SLC27A5: variants seen among roughly 807,000 people sequenced by gnomAD.
SLC27A5 encodes long-chain fatty acid transport protein 5.
Under a neutral mutation model 63.1 loss-of-function variants are expected in SLC27A5, and 47 were observed. The observed-to-expected ratio is 0.74, with a 90% confidence interval of 0.59 to 0.95. The LOEUF (loss-of-function observed/expected upper bound fraction) is 0.95. Ranked by LOEUF, SLC27A5 falls within the 40% of genes least tolerant of loss-of-function variation. SLC27A5 has a pLI of 0.00. For synonymous variants in SLC27A5, 391 were observed against 403.8 expected (o/e 0.97, Z 0.38); for missense variants, 940 against 921.0 (o/e 1.02, Z -0.27).
At chr19:58,503,966 T>A (rs1466222274) in intron 3 of SLC27A5, among the ~76,000 whole-genome samples, 1 of 151,104 alleles carries the variant, frequency 6.6e-6, no homozygotes, top group East Asian at 2.0e-4. Context: ...TACAAAAAAA[T>A]TAGCTGGGCA....
chr19:58,499,795 G>T, intron 6 of SLC27A5, 105 bp from the exon 7 acceptor site: 1 of 1,086,050 alleles, frequency 9.2e-7, no homozygotes, highest in Non-Finnish European at 1.3e-6. Flanking sequence ...CCCTGCCAAG[G>T]ACAGACCCAA....
At chr19:58,509,627 A>C (rs961618345) in intron 3 of SLC27A5, 6 of 463,450 alleles carry the variant, frequency 1.3e-5, no homozygotes. Flanking sequence ...CACTCGTATC[A>C]GGTCTTGTCA....
At chr19:58,506,818 A>C (rs949605996) in intron 3 of SLC27A5, among the ~76,000 whole-genome samples, 1 of 151,960 alleles carries the variant, frequency 6.6e-6, no homozygotes, top group African/African-American at 2.4e-5. Flanking sequence ...CATGTTGGCC[A>C]GGCTGGTCTC....
At chr19:58,503,372 A>AT (rs1320468846) in intron 3 of SLC27A5, among the ~76,000 whole-genome samples, 1 of 151,956 alleles carries the variant, frequency 6.6e-6, no homozygotes, top group Non-Finnish European at 1.5e-5. Flanking sequence ...TTAATAAGAT[A>AT]TAGGGGGCTG....
chr19:58,509,957 C>T lies in SLC27A5; in HGVS notation c.947G>A (p.Ser316Asn), dbSNP rs761535986. 2.5e-6 allele frequency: 4 copies of T among 1,614,058 alleles called. No individual in the cohort carries two copies. The highest frequency in any genetic ancestry group is 1.3e-5 in the African/African-American group (1 of 75,032). ...ILTHERVLQM[S>N]KMLSLSGATA... The stretch of plus-strand genomic sequence containing the variant: ...GGCCCCAGATAAGGACAGCATCTTG[C>T]TCATCTGCAGTACCCGCTCATGCGT... The change falls in exon 3 of 10, where the codon AGC becomes AAC. Residue 316 changes from serine to asparagine, a missense_variant. Ser to Asn is a conservative substitution (Grantham distance 46, BLOSUM62 1). Transcript: ENST00000263093.
At chr19:58,502,136 G>A (rs1243317935) in intron 3 of SLC27A5, among the ~76,000 whole-genome samples, 1 of 152,208 alleles carries the variant, frequency 6.6e-6, no homozygotes, top group East Asian at 1.9e-4. Flanking sequence ...TAGTGAGTGA[G>A]TAGATGGGTG....
In SLC27A5 at chr19:58,511,941, T is replaced by C. The variant is rs1343713423; in HGVS notation, c.15A>G (p.Gln5=). MGVR[Q]QLALLLLLLL... Reference sequence around the variant, plus strand: ...GCAGCAGCAGCAGCAAGGCCAACTGTTGCCTGACACCCATGGTACCAGCTC... The same window carrying C: ...GCAGCAGCAGCAGCAAGGCCAACTGCTGCCTGACACCCATGGTACCAGCTC... The change falls in exon 1 of 10, where the codon CAA becomes CAG. Residue 5 remains glutamine, a synonymous_variant. Transcript: ENST00000263093. 6.5e-6 allele frequency: 10 copies of C among 1,539,934 alleles called. No homozygotes were observed. In the East Asian group the frequency reaches 2.4e-4, roughly 38 times the overall value.
rs1426967694 is a variant in SLC27A5, at chr19:58,498,919, G to C, written c.1766-4C>G. On this transcript the variant is annotated splice_polypyrimidine_tract_variant and splice_region_variant and intron_variant, in intron 8 of 9. Transcript: ENST00000263093. ...ATGCCCACCTTACCCTCACAACCTA[G>C]AGAGCAGTCTGGTCACTCTCGGCTG... is the stretch of plus-strand genomic sequence containing the variant. The C allele has an allele frequency of 6.2e-7, 1 of 1,611,000 alleles. No homozygotes were observed. The highest frequency in any genetic ancestry group is 1.7e-5 in the Admixed American group (1 of 59,974).
intron 3 of SLC27A5, among the ~76,000 whole-genome samples, chr19:58,506,229 G>T (rs2053345378): frequency 6.6e-6 from 1 of 151,652 alleles, no homozygotes; most frequent in Non-Finnish European, 1.5e-5. Context: ...ACCTGGCCAT[G>T]ATAAAAGTTT....
intron 3 of SLC27A5, among the ~76,000 whole-genome samples, chr19:58,503,098 G>A (rs1229417909): frequency 1.1e-4 from 17 of 152,008 alleles, no homozygotes; most frequent in Non-Finnish European, 1.9e-4. Flanking sequence ...CCAGCTACTC[G>A]GGAGGCTGAG....
At chr19:58,507,263 A>C (rs1486121047) in intron 3 of SLC27A5, 1 of 152,366 alleles carries the variant, frequency 6.6e-6, no homozygotes, top group African/African-American at 2.4e-5. Context: ...ATGCTGAGGC[A>C]GAAGAATCGC....
At position 58,499,538 on chromosome 19, in the gene SLC27A5, G is replaced by C; in HGVS notation, c.1621C>G (p.Arg541Gly). 1 of 1,613,132 alleles carries C rather than the reference G, an allele frequency of 6.2e-7. No individual in the cohort carries two copies. ...YNTGDVLAMD[R>G]EGFLYFRDRL... is the part of the protein sequence containing the mutation. ...TCGCGGAAGTAGAGGAAGCCTTCGC[G>C]GTCCATGGCCAGTACGTCCCCGGTG... Residue 541 changes from arginine to glycine, a missense_variant, in exon 7 of 10, where the codon CGC (arginine) becomes GGC (glycine). Physicochemically the swap from Arg to Gly is moderately radical, Grantham distance 125 (BLOSUM62 -2). Transcript: ENST00000263093.
At position 58,499,618 on chromosome 19, in the gene SLC27A5, A is replaced by G; in HGVS notation, c.1541T>C (p.Leu514Pro). The G allele has an allele frequency of 1.2e-6, 2 of 1,612,064 alleles. No individual in the cohort carries two copies. Among genetic ancestry groups the G allele is most frequent in the Non-Finnish European group, 1.7e-6 (2 of 1,179,736 alleles). The change falls in exon 7 of 10, where the codon CTG becomes CCG. Residue 514 changes from leucine (L) to proline (P), a missense_variant. Transcript: ENST00000263093. ...PFVGYRGPRELSERKLVRNVR... is the reference protein window; with the variant it reads ...PFVGYRGPREPSERKLVRNVR... ...GTTGCGCACCAGCTTCCGTTCCGACAGCTCTCGGGGGCCGCGGTAGCCCAC... is the reference window on the plus strand; with the variant it reads ...GTTGCGCACCAGCTTCCGTTCCGACGGCTCTCGGGGGCCGCGGTAGCCCAC...
intron 3 of SLC27A5, among the ~76,000 whole-genome samples, chr19:58,502,981 C>T (rs1020944570): frequency 6.3e-4 from 96 of 151,590 alleles, no homozygotes; most frequent in African/African-American, 1.8e-3. Context: ...CCGAGGTGGG[C>T]GGATCACGAG....
rs1393434668 is a variant in SLC27A5, at chr19:58,499,544, T to A, written c.1615A>T (p.Met539Leu). 1 of 1,612,956 alleles carries A rather than the reference T, an allele frequency of 6.2e-7. No individual in the cohort carries two copies. The highest frequency in any genetic ancestry group is 1.1e-5 in the South Asian group (1 of 91,064). Residue 539 changes from methionine (M) to leucine (L), a missense_variant, in exon 7 of 10, where the codon ATG becomes TTG. Physicochemically the swap from Met to Leu is conservative, Grantham distance 15. Transcript: ENST00000263093. ...VYYNTGDVLA[M>L]DREGFLYFRD... ...AAGTAGAGGAAGCCTTCGCGGTCCA[T>A]GGCCAGTACGTCCCCGGTGTTGTAG...
intron 3 of SLC27A5, among the ~76,000 whole-genome samples, chr19:58,502,843 G>A (rs370595386): frequency 6.7e-6 from 1 of 149,344 alleles, no homozygotes; most frequent in South Asian, 2.1e-4. Context: ...AGATGGATGG[G>A]TGGACAGTTA....
At position 58,498,369 on chromosome 19, in the gene SLC27A5, A is replaced by G. The variant is rs566154783; in HGVS notation, c.*146T>C. 34 of 764,030 alleles carry G rather than the reference A, an allele frequency of 4.5e-5. No homozygotes were observed. The highest frequency in any genetic ancestry group is 6.8e-5 in the Non-Finnish European group (33 of 484,842). The allele number at this position is 764,030 out of a possible 1,614,324, so 47.3% of individuals were successfully genotyped here. On this transcript the variant is annotated 3_prime_UTR_variant, in exon 10 of 10. Transcript: ENST00000263093. ...CATCTGAGTTTATTCTGCCACTGCT[A>G]CAGGGCCCACTGTCATTTCCAGCCC...
At chr19:58,501,445 G>A (rs1047017573) in intron 3 of SLC27A5, 35 bp from the exon 4 acceptor site, 28 of 1,605,450 alleles carry the variant, frequency 1.7e-5, no homozygotes, top group Non-Finnish European at 2.4e-5. Flanking sequence ...TTCAGGTCAT[G>A]CTTCCAAATT....
Position 58,498,472 on chromosome 19 carries a change from G to A in SLC27A5, c.*43C>T, listed in dbSNP as rs772335206. ...GGGACACCGAGTGTGTTGGGGTGGG[G>A]GTGGCTGGCTTTGATCCCTACCCCA... On this transcript the variant is annotated 3_prime_UTR_variant, in exon 10 of 10. Transcript: ENST00000263093. The A allele has an allele frequency of 2.6e-6, 4 of 1,563,186 alleles. No individual in the cohort carries two copies. The East Asian group carries it at 9.1e-5, about 35-fold the overall frequency.
Sources: gnomAD v4.1 joint callset for allele counts (sites outside exome capture counted in the v4.1 genomes callset) on GRCh38, gnomAD v4.1.1 for gene constraint, MANE v1.5 for transcripts, NCBI Gene and HGNC (gene_info 2026-07-23, HGNC 2026-07-21) for gene names.